Variants in UFD1 observed in about 807,000 individuals in gnomAD.
UFD1 encodes the protein ubiquitin recognition factor in ER-associated degradation protein 1.
A neutral mutation model predicts 45.9 loss-of-function variants in UFD1; 13 were observed. The observed-to-expected ratio is 0.28, with a 90% CI of 0.18 to 0.45. UFD1 has a LOEUF of 0.45. Among genes scored for constraint, UFD1 ranks in the 20% least tolerant of loss-of-function variants. UFD1 has a pLI of 1.00. For missense variants in UFD1, 218 were observed against 389.2 expected (o/e 0.56, Z 3.70); for synonymous variants, 128 against 139.2 (o/e 0.92, Z 0.56).
rs754887619 is a variant in UFD1 at position 19,479,115 on chromosome 22, T to C, written c.-30A>G. ...GACACCACCTGGCAGACTCCGCTCC[T>C]CTCAGGCAATGCAACGAAGAAACCC... On this transcript the variant is annotated 5_prime_UTR_variant, in exon 1 of 12. Coordinates refer to ENST00000263202, the MANE Select transcript of UFD1 (RefSeq NM_005659.7). 4 of 1,606,946 alleles carry C rather than the reference T, an allele frequency of 2.5e-6. No individual in the cohort carries two copies. Among genetic ancestry groups the C allele is most frequent in the African/African-American group, 2.7e-5 (2 of 74,364 alleles).
intron 11 of UFD1, chr22:19,453,129 T>G (rs1207381506): frequency 1.0e-6 from 1 of 985,260 alleles, no homozygotes; most frequent in African/African-American, 1.7e-5. Context: ...CCTCCAGCCT[T>G]CTGGGATGGG....
At chr22:19,459,722 A>G (rs557133181) in intron 6 of UFD1, among the ~76,000 whole-genome samples, 6 of 149,930 alleles carry the variant, frequency 4.0e-5, no homozygotes, top group Non-Finnish European at 8.9e-5. Context: ...GCTTTTATCT[A>G]AAGTCTGTCT....
chr22:19,473,625 G>A (rs567651534), intron 3 of UFD1, among the ~76,000 whole-genome samples: 21 of 152,190 alleles, frequency 1.4e-4, no homozygotes, highest in Non-Finnish European at 2.8e-4. Flanking sequence ...TACTGGTTGA[G>A]CTGAGGCCTC....
chr22:19,473,633 C>T (rs1034149061), intron 3 of UFD1, among the ~76,000 whole-genome samples: 2 of 152,212 alleles, frequency 1.3e-5, no homozygotes, highest in African/African-American at 4.8e-5. Flanking sequence ...GAGCTGAGGC[C>T]TCCACTGGGT....
intron 11 of UFD1, chr22:19,451,817 A>G (rs1053191133): frequency 4.1e-6 from 4 of 985,278 alleles, no homozygotes; most frequent in East Asian, 1.1e-4. Context: ...CACAGCCTGC[A>G]TTGCATGGAG....
Position 19,465,188 on chromosome 22 carries a change from T to C in UFD1, c.495+14A>G, listed in dbSNP as rs765455406. 1.2e-6 allele frequency: 2 copies of C among 1,613,750 alleles called. No individual in the cohort carries two copies. Among genetic ancestry groups the C allele is most frequent in the Non-Finnish European group, 8.5e-7 (1 of 1,179,744 alleles). On this transcript the variant is annotated intron_variant, in intron 6 of 11. Coordinates refer to ENST00000263202, the MANE Select transcript of UFD1 (RefSeq NM_005659.7). ...TGGCTCTTGTCAGGAATGACCTGCA[T>C]GAACTGGGCTCACCTTTTCATTATA... is the stretch of plus-strand genomic sequence containing the variant.
intron 6 of UFD1, among the ~76,000 whole-genome samples, chr22:19,464,234 G>A (rs183024445): frequency 1.7e-3 from 263 of 152,342 alleles, no homozygotes; most frequent in Middle Eastern, 3.4e-3. Flanking sequence ...ACACAGCTGT[G>A]ACGGCCCAGT....
intron 1 of UFD1, among the ~76,000 whole-genome samples, chr22:19,477,685 AACC>A (rs1278017566): frequency 8.7e-6 from 1 of 114,662 alleles, no homozygotes; most frequent in East Asian, 2.2e-4. Flanking sequence ...TGGTTTTTTT[AACC>A]ACAACTAAAA....
chr22:19,465,779 T>C (rs1363367976), intron 5 of UFD1: 1 of 152,660 alleles, frequency 6.6e-6, no homozygotes, highest in Non-Finnish European at 1.5e-5. Flanking sequence ...CAAAAAAGAT[T>C]TAATGAGTCA....
intron 11 of UFD1, 163 bp downstream of exon 11, chr22:19,454,586 A>T: frequency 7.0e-7 from 1 of 1,435,216 alleles, no homozygotes; most frequent in Non-Finnish European, 9.3e-7. Context: ...TAAGTCCATT[A>T]AACCTCTTTC....
chr22:19,464,968 T>C lies in UFD1; in HGVS notation c.495+234A>G, dbSNP rs368115320. On this transcript the variant is annotated intron_variant, in intron 6 of 11. Coordinates refer to ENST00000263202, the MANE Select transcript of UFD1 (RefSeq NM_005659.7). The stretch of plus-strand genomic sequence containing the variant: ...CTTGCCACCAAGGTACACAGAGGTA[T>C]GACTAATAAGTCTATCAATGTTCCC... Among the ~76,000 whole-genome samples the C allele has an allele frequency of 5.9e-5, 9 of 152,384 alleles. No homozygotes were observed. The East Asian group carries it at 9.6e-4, about 16-fold the overall frequency.
Position 19,454,742 on chromosome 22 carries a change from C to G in UFD1, c.849+7G>C. ...CCAACCAAGGAAATACAAGGAAATACACTCACCTCTTCAACCTTTTTGACA... is the reference window on the plus strand; with the variant it reads ...CCAACCAAGGAAATACAAGGAAATAGACTCACCTCTTCAACCTTTTTGACA... On this transcript the variant is annotated splice_region_variant and intron_variant, in intron 11 of 11. Coordinates refer to ENST00000263202, the MANE Select transcript of UFD1 (RefSeq NM_005659.7). 1 of 1,614,026 alleles carries G rather than the reference C, an allele frequency of 6.2e-7. No individual in the cohort carries two copies. Among genetic ancestry groups the G allele is most frequent in the Non-Finnish European group, 8.5e-7 (1 of 1,179,936 alleles).
chr22:19,456,460 G>A, intron 9 of UFD1, 127 bp downstream of exon 9: 1 of 1,262,976 alleles, frequency 7.9e-7, no homozygotes, highest in Admixed American at 1.8e-5. Flanking sequence ...ATTTGCATAT[G>A]CACAGGTACC....
At chr22:19,476,069 AAAGCAAGAGAGATATACACTCC>A (rs1183629295) in intron 1 of UFD1, among the ~76,000 whole-genome samples, 2 of 152,150 alleles carry the variant, frequency 1.3e-5, no homozygotes, top group Non-Finnish European at 2.9e-5. Context: ...AATGACACTC[AAAGCAAGAGAGATATACACTCC>A]AAGCAACGGA....
chr22:19,465,479 G>T, intron 5 of UFD1: 2 of 519,450 alleles, frequency 3.9e-6, no homozygotes, highest in South Asian at 4.8e-5. Context: ...TGCCAAGCTG[G>T]GGTAACAAAT....
At chr22:19,456,717 C>T in intron 8 of UFD1, 83 bp from the exon 9 acceptor site, 4 of 1,613,080 alleles carry the variant, frequency 2.5e-6, no homozygotes, top group Non-Finnish European at 2.5e-6. Flanking sequence ...GCTAGGATGT[C>T]CCCCGGAAGC....
At chr22:19,472,956 T>C (rs1009035670) in intron 3 of UFD1, among the ~76,000 whole-genome samples, 3 of 152,202 alleles carry the variant, frequency 2.0e-5, no homozygotes, top group African/African-American at 7.2e-5. Context: ...CAGATTCCAT[T>C]TGAGATCTCC....
Position 19,471,958 on chromosome 22 carries a change from C to T in UFD1, c.170-150G>A, listed in dbSNP as rs138131053. On this transcript the variant is annotated intron_variant, in intron 3 of 11. Transcript: ENST00000263202. Reference sequence around the variant, plus strand: ...AATCCCCCTCTGTGAGAGCACAGTGCACGGCTCAAGGAGGAACCTGGCAAC... The same window carrying T: ...AATCCCCCTCTGTGAGAGCACAGTGTACGGCTCAAGGAGGAACCTGGCAAC... 1,160 of 1,133,484 alleles carry T rather than the reference C, an allele frequency of 1.0e-3. 10 individuals carry two copies. In the African/African-American group the frequency reaches 0.016, roughly 16 times the overall value. The allele number at this position is 1,133,484 out of a possible 1,614,324, so 70.2% of individuals were successfully genotyped here.
intron 6 of UFD1, among the ~76,000 whole-genome samples, chr22:19,458,750 T>A (rs1024540629): frequency 6.6e-6 from 1 of 152,138 alleles, no homozygotes. Flanking sequence ...GCCTTCGAAA[T>A]TTATTCTAAG....
Sources: gnomAD v4.1 joint callset for allele counts (sites outside exome capture counted in the v4.1 genomes callset) on GRCh38, gnomAD v4.1.1 for gene constraint, MANE v1.5 for transcripts, NCBI Gene and HGNC (gene_info 2026-07-23, HGNC 2026-07-21) for gene names.